The following VPS13C variants were observed in gnomAD, a reference collection of about 807,000 sequenced individuals.
The protein encoded by VPS13C is vacuolar protein sorting 13 homolog C.
VPS13C carries 358 observed loss-of-function variants against 456.8 expected under a neutral mutation model. That is an observed-to-expected ratio of 0.78 (90% CI 0.72 to 0.86). The LOEUF (loss-of-function observed/expected upper bound fraction) is 0.86, where lower values mean the gene tolerates loss of function less well. Among genes scored for constraint, VPS13C ranks in the 40% least tolerant of loss-of-function variants. The pLI is 0.00. For missense variants in VPS13C, 4,818 were observed against 4,385.4 expected, an observed-to-expected ratio of 1.10 and a Z score of -2.79; for synonymous variants, 1,578 against 1,486.7, an observed-to-expected ratio of 1.06 and a Z score of -1.41.
chr15:61,974,398 G>C lies in VPS13C; in HGVS notation c.2428C>G (p.Leu810Val), dbSNP rs1285049062. ...RMARFKVSGG[L>V]PLMHVRISDQ... ...GAAATTCTCACATGCATCAAAGGAA[G>C]TCCTCCTGACACTTTAAATCTAAAA... The change falls in exon 25 of 85, where the codon CTT becomes GTT. Residue 810 changes from leucine to valine, a missense_variant. By Grantham distance (32) the Leu-to-Val change is conservative. Around this residue, in one of 3 missense-constraint regions of VPS13C, gnomAD observed 4,552 missense variants for 4,130.6 expected, o/e 1.10. Transcript: ENST00000644861. 6.2e-7 allele frequency: 1 copy of C among 1,612,072 alleles called. No individual in the cohort carries two copies. Among genetic ancestry groups the C allele is most frequent in the African/African-American group, 1.3e-5 (1 of 74,844 alleles).
intron 57 of VPS13C, 65 bp from the exon 58 acceptor site, chr15:61,919,514 C>A: frequency 7.3e-7 from 1 of 1,373,570 alleles, no homozygotes; most frequent in Non-Finnish European, 9.5e-7. Flanking sequence ...CTATAACAAT[C>A]ATTAGTACCT....
intron 66 of VPS13C, among the ~76,000 whole-genome samples, chr15:61,902,371 C>T (rs553958639): frequency 1.0e-3 from 154 of 151,132 alleles, no homozygotes; most frequent in African/African-American, 3.6e-3. Context: ...GCGGGGAATA[C>T]TTCTAAACTC....
At chr15:62,035,957 T>C (rs1228617551) in intron 3 of VPS13C, among the ~76,000 whole-genome samples, 1 of 152,002 alleles carries the variant, frequency 6.6e-6, no homozygotes, top group Non-Finnish European at 1.5e-5. Context: ...AATTTTGAAA[T>C]AGGCAAAATC....
Position 61,863,481 on chromosome 15 carries a change from A to G in VPS13C, c.10911T>C (p.Ala3637=). The G allele has an allele frequency of 1.2e-6, 2 of 1,613,052 alleles. No homozygotes were observed. Among genetic ancestry groups the G allele is most frequent in the Non-Finnish European group, 1.7e-6 (2 of 1,179,330 alleles). The part of the protein sequence containing the change: ...LEGETYRYHC[A]IPGSKKTILM... ...GGATTGTCTTCTTGCTTCCAGGAAT[A>G]GCACAGTGGTATCGGTAAGTCTCTC... The change falls in exon 82 of 85, where the codon GCT becomes GCC. Residue 3637 remains alanine, a synonymous_variant. Transcript: ENST00000644861.
At position 61,959,429 on chromosome 15, in the gene VPS13C, T is replaced by C; in HGVS notation, c.4056+19A>G. ...TTAAAATTTCAACAATGAAGTTTTT[T>C]CTTCACTCATATACTTACATTCATT... On this transcript the variant is annotated intron_variant, in intron 36 of 84. Transcript: ENST00000644861. The C allele has an allele frequency of 6.5e-7, 1 of 1,544,816 alleles. No individual in the cohort carries two copies.
At chr15:61,882,170 AAAG>A (rs979315482) in intron 69 of VPS13C, among the ~76,000 whole-genome samples, 16 of 152,294 alleles carry the variant, frequency 1.1e-4, no homozygotes, top group East Asian at 3.9e-4. Context: ...GATAAGAGAA[AAAG>A]AAGAAGAATT....
chr15:61,986,561 A>G (rs78671468), intron 18 of VPS13C, among the ~76,000 whole-genome samples: 5,707 of 152,282 alleles, frequency 0.037, 251 homozygotes, highest in African/African-American at 0.095. Flanking sequence ...AAGGATAAAA[A>G]AATGATGGGA....
At chr15:61,939,646 C>G (rs2044348168) in intron 47 of VPS13C, among the ~76,000 whole-genome samples, 1 of 152,184 alleles carries the variant, frequency 6.6e-6, no homozygotes, top group Non-Finnish European at 1.5e-5. Context: ...CTACCTTCAA[C>G]CAGTCTCACC....
intron 14 of VPS13C, 34 bp downstream of exon 14, chr15:62,008,621 T>C (rs373096109): frequency 3.1e-4 from 454 of 1,482,416 alleles, no homozygotes; most frequent in Admixed American, 1.2e-3. Flanking sequence ...TGATTATATG[T>C]TCCTCACAAA....
chr15:61,974,827 T>C (rs892695643), intron 24 of VPS13C, among the ~76,000 whole-genome samples: 6 of 152,170 alleles, frequency 3.9e-5, no homozygotes. Flanking sequence ...ACCTGACATA[T>C]CACATTTATA....
intron 21 of VPS13C, 71 bp downstream of exon 21, chr15:61,982,388 C>T: frequency 9.2e-7 from 1 of 1,091,326 alleles, no homozygotes; most frequent in African/African-American, 1.6e-5. Context: ...ATTTTGAATA[C>T]AATGTTTACA....
chr15:61,940,429 T>C (rs1488424129), intron 47 of VPS13C, among the ~76,000 whole-genome samples: 5 of 152,216 alleles, frequency 3.3e-5, no homozygotes, highest in African/African-American at 1.2e-4. Context: ...TATTTATTTA[T>C]TTTTGTTGTT....
At chr15:61,952,918 C>G (rs2044852379) in intron 38 of VPS13C, among the ~76,000 whole-genome samples, 1 of 151,254 alleles carries the variant, frequency 6.6e-6, no homozygotes, top group Non-Finnish European at 1.5e-5. Flanking sequence ...GAGATGGGGT[C>G]TTGTTATGTT....
chr15:62,034,901 TAAC>T, intron 4 of VPS13C, 53 bp downstream of exon 4: 2 of 1,193,752 alleles, frequency 1.7e-6, no homozygotes, highest in Non-Finnish European at 2.4e-6. Flanking sequence ...TTAACTCAGA[TAAC>T]AATTTAATTT....
rs527293802 is a variant in VPS13C at position 61,921,203 on chromosome 15, T to C, written c.7063-556A>G. 2.6e-5 allele frequency among the ~76,000 whole-genome samples: 4 copies of C among 152,252 alleles called. No homozygotes were observed. In the East Asian group the frequency reaches 7.7e-4, roughly 29 times the overall value. ...AGAGAAAGGCAGGTCAGAAAAATAT[T>C]ACTTCTTTATTGAGAGGAAATTGGA... On this transcript the variant is annotated intron_variant, in intron 55 of 84. Transcript: ENST00000644861.
At chr15:61,992,002 C>G (rs1331808952) in intron 16 of VPS13C, among the ~76,000 whole-genome samples, 200 bp from the exon 17 acceptor site, 2 of 151,684 alleles carry the variant, frequency 1.3e-5, no homozygotes, top group Non-Finnish European at 2.9e-5. Flanking sequence ...CTTCTCACAC[C>G]AACTGATAGC....
chr15:61,881,849 C>T, intron 69 of VPS13C, 21 bp from the exon 70 acceptor site: 6 of 1,566,622 alleles, frequency 3.8e-6, no homozygotes, highest in Non-Finnish European at 4.3e-6. Flanking sequence ...AGAAAACGAA[C>T]TTATCAAGAT....
intron 24 of VPS13C, among the ~76,000 whole-genome samples, chr15:61,976,223 T>A (rs2045698421): frequency 6.6e-6 from 1 of 152,012 alleles, no homozygotes; most frequent in South Asian, 2.1e-4. Context: ...AATGAAAAGT[T>A]GGTTTAACAT....
Position 62,044,150 on chromosome 15 carries a change from C to T in VPS13C, c.144+62G>A, listed in dbSNP as rs552066758. 147 of 1,215,130 alleles carry T rather than the reference C, an allele frequency of 1.2e-4. 2 individuals carry two copies. The East Asian group carries it at 3.6e-3, about 30-fold the overall frequency. 75.3% of individuals were successfully genotyped at this position (1,215,130 alleles called of 1,614,324 possible). On this transcript the variant is annotated intron_variant, in intron 2 of 84. Coordinates refer to ENST00000644861, the MANE Select transcript of VPS13C (RefSeq NM_020821.3). ...TACATGGTATCAGATGCCTAGTAGG[C>T]AAAGGTTTCTAAGAACTTACCAAAT...
Sources: gnomAD v4.1 joint callset for allele counts (sites outside exome capture counted in the v4.1 genomes callset) on GRCh38, gnomAD v4.1.1 for gene constraint, gnomAD v4.1.1 regional missense constraint, MANE v1.5 for transcripts, NCBI Gene and HGNC (gene_info 2026-07-23, HGNC 2026-07-21) for gene names.